Variants in SRRM4 observed in about 807,000 individuals in gnomAD.
SRRM4 encodes serine/arginine repetitive matrix 4.
Under a neutral mutation model 68.9 loss-of-function variants are expected in SRRM4, and 33 were observed. That is an observed-to-expected ratio of 0.48 (90% CI 0.36 to 0.64). SRRM4 has a LOEUF of 0.64. Among genes scored for constraint, SRRM4 ranks in the 30% least tolerant of loss-of-function variants. SRRM4 has a pLI of 0.00. For synonymous variants in SRRM4, 318 were observed against 318.8 expected (o/e 1.00, Z 0.03); for missense variants, 817 against 827.1 (o/e 0.99, Z 0.15).
intron 1 of SRRM4, among the ~76,000 whole-genome samples, chr12:119,046,023 C>T (rs1053434073): frequency 3.3e-5 from 5 of 151,562 alleles, no homozygotes; most frequent in African/African-American, 9.7e-5. Context: ...GGCGACAGAG[C>T]GAGATTCCAT....
At chr12:119,120,533 A>T (rs1274563794) in intron 5 of SRRM4, among the ~76,000 whole-genome samples, 1 of 13,884 alleles carries the variant, frequency 7.2e-5, no homozygotes, top group Non-Finnish European at 1.2e-4. Context: ...ATGTCTCATT[A>T]CTACCCCTGC....
At chr12:119,079,010 T>C (rs1953932638) in intron 1 of SRRM4, among the ~76,000 whole-genome samples, 1 of 152,204 alleles carries the variant, frequency 6.6e-6, no homozygotes, top group Admixed American at 6.5e-5. Context: ...TGTTAGATTC[T>C]GTGGACAAAA....
chr12:118,992,563 C>G (rs1200748921), intron 1 of SRRM4, among the ~76,000 whole-genome samples: 1 of 152,232 alleles, frequency 6.6e-6, no homozygotes, highest in Non-Finnish European at 1.5e-5. Context: ...GGACCCAACC[C>G]ACATCCGGAA....
intron 1 of SRRM4, among the ~76,000 whole-genome samples, chr12:119,056,749 C>T (rs912133109): frequency 2.6e-5 from 4 of 152,110 alleles, no homozygotes; most frequent in Non-Finnish European, 5.9e-5. Flanking sequence ...CAAGCAATTC[C>T]CTCCCAGTTG....
At chr12:119,029,928 C>T (rs546742407) in intron 1 of SRRM4, among the ~76,000 whole-genome samples, 1 of 152,242 alleles carries the variant, frequency 6.6e-6, no homozygotes, top group Non-Finnish European at 1.5e-5. Flanking sequence ...TGAGGATGAC[C>T]TTCCAGCTAA....
At chr12:119,016,070 GGGA>G (rs1453522356) in intron 1 of SRRM4, among the ~76,000 whole-genome samples, 2 of 152,260 alleles carry the variant, frequency 1.3e-5, no homozygotes, top group Admixed American at 1.3e-4. Context: ...TTATGATGAG[GGGA>G]GAAGACACAG....
At chr12:119,130,561 A>G in intron 7 of SRRM4, 117 bp from the exon 8 acceptor site, 1 of 960,490 alleles carries the variant, frequency 1.0e-6, no homozygotes, top group Non-Finnish European at 1.5e-6. Flanking sequence ...TCACATATGA[A>G]CATATACAAA....
At chr12:119,027,497 T>C (rs1219697599) in intron 1 of SRRM4, among the ~76,000 whole-genome samples, 1 of 151,946 alleles carries the variant, frequency 6.6e-6, no homozygotes, top group African/African-American at 2.4e-5. Context: ...AAGATATTAA[T>C]ATATGGCACA....
chr12:119,000,388 C>G (rs1953376719), intron 1 of SRRM4, among the ~76,000 whole-genome samples: 1 of 152,140 alleles, frequency 6.6e-6, no homozygotes, highest in Non-Finnish European at 1.5e-5. Flanking sequence ...CAAGTTTATT[C>G]TTAGCATCCC....
Position 118,999,102 on chromosome 12 carries a change from G to A in SRRM4, c.131+17089G>A, listed in dbSNP as rs534229288. Among the ~76,000 whole-genome samples the A allele has an allele frequency of 3.3e-5, 5 of 152,306 alleles. No individual in the cohort carries two copies. In the East Asian group the frequency reaches 7.7e-4, roughly 23 times the overall value. On this transcript the variant is annotated intron_variant, in intron 1 of 12. Transcript: ENST00000267260. The stretch of plus-strand genomic sequence containing the variant: ...CAATCTTGGTGAAGACAGGGCAAAG[G>A]TATTCTTTATCCTATCTGGAAGGAT...
chr12:119,033,702 T>C (rs576870983), intron 1 of SRRM4, among the ~76,000 whole-genome samples: 16 of 152,276 alleles, frequency 1.1e-4, no homozygotes, highest in African/African-American at 3.1e-4. Context: ...TTAGACATGT[T>C]TCGTGTTTCT....
chr12:119,055,198 A>G (rs1953768861), intron 1 of SRRM4, among the ~76,000 whole-genome samples: 1 of 152,160 alleles, frequency 6.6e-6, no homozygotes, highest in South Asian at 2.1e-4. Flanking sequence ...TATGGGCTAC[A>G]CAGGAGGGAA....
chr12:119,154,100 C>G lies in SRRM4; in HGVS notation c.1392-143C>G, dbSNP rs1954456952. 1.4e-6 allele frequency: 1 copy of G among 726,074 alleles called. No homozygotes were observed. The highest frequency in any genetic ancestry group is 2.3e-6 in the Non-Finnish European group (1 of 435,692). The allele number at this position is 726,074 out of a possible 1,614,324, so 45.0% of individuals were successfully genotyped here. A position where few individuals can be genotyped will look rare whatever the true frequency, so the allele number is the denominator to read the frequency against. ...TCTTACCGCAGCCCCGTCATCCTCCCTCCGGTCTCCCTTGCGGCAACGTGC... is the reference window on the plus strand; with the variant it reads ...TCTTACCGCAGCCCCGTCATCCTCCGTCCGGTCTCCCTTGCGGCAACGTGC... On this transcript the variant is annotated intron_variant, in intron 11 of 12. Coordinates refer to ENST00000267260, the MANE Select transcript of SRRM4 (RefSeq NM_194286.4). The surrounding 1 kb of genome is among the most constrained non-coding windows in gnomAD (Gnocchi z 4.7).
At chr12:119,003,641 C>A (rs1478020746) in intron 1 of SRRM4, among the ~76,000 whole-genome samples, 1 of 151,878 alleles carries the variant, frequency 6.6e-6, no homozygotes, top group Non-Finnish European at 1.5e-5. Context: ...CATAAGGAAA[C>A]CCTCCCAATG....
chr12:119,064,825 G>GA (rs1005000751), intron 1 of SRRM4, among the ~76,000 whole-genome samples: 4 of 151,904 alleles, frequency 2.6e-5, no homozygotes, highest in Admixed American at 6.6e-5. Flanking sequence ...GGAAAAGGGG[G>GA]AAAAAATGGT....
intron 1 of SRRM4, among the ~76,000 whole-genome samples, chr12:119,033,465 G>A (rs1467371510): frequency 6.6e-6 from 1 of 152,062 alleles, no homozygotes; most frequent in African/African-American, 2.4e-5. Flanking sequence ...AGAGATGGAG[G>A]CCATCCTGGC....
chr12:119,038,347 G>A (rs1000427456), intron 1 of SRRM4, among the ~76,000 whole-genome samples: 1 of 152,028 alleles, frequency 6.6e-6, no homozygotes, highest in African/African-American at 2.4e-5. Context: ...GAGTAGCTGG[G>A]ACTACAGGCA....
intron 1 of SRRM4, among the ~76,000 whole-genome samples, chr12:119,064,422 A>AT (rs372601787): frequency 6.6e-6 from 1 of 152,016 alleles, no homozygotes; most frequent in Admixed American, 6.6e-5. Context: ...CACACATATA[A>AT]TTTTTTTTAG....
At position 119,153,584 on chromosome 12, in the gene SRRM4, G is replaced by A. The variant is rs2136069862; in HGVS notation, c.1326G>A (p.Arg442=). Residue 442 remains arginine, a synonymous_variant, in exon 11 of 13, where the codon AGG becomes AGA. Transcript: ENST00000267260. ...GCTATTCCTCCAAGTCTGGCAAGAG[G>A]AGCCCGCCCAGCAGAAGCTCTAGGT... The part of the protein sequence containing the change: ...SPSYSSKSGK[R]SPPSRSSRSR... The A allele has an allele frequency of 6.3e-7, 1 of 1,577,200 alleles. No homozygotes were observed. The highest frequency in any genetic ancestry group is 1.2e-5 in the South Asian group (1 of 85,530).
Sources: allele counts gnomAD v4.1 joint callset (sites outside exome capture counted in the v4.1 genomes callset), GRCh38; gene constraint gnomAD v4.1.1; non-coding constraint Gnocchi (gnomAD v3.1); transcripts MANE v1.5; gene names NCBI Gene and HGNC (gene_info 2026-07-23, HGNC 2026-07-21).